Variants in AUTS2 observed in about 807,000 individuals in gnomAD.
AUTS2 encodes the protein autism susceptibility gene 2 protein.
A neutral mutation model predicts 112.4 loss-of-function variants in AUTS2; 17 were observed. The observed-to-expected ratio is 0.15, with a 90% CI of 0.10 to 0.23. The LOEUF is 0.23. AUTS2 is among the 10% of genes least tolerant of loss of function. The pLI is 1.00. For missense variants in AUTS2, 1,510 were observed against 1,701.6 expected (o/e 0.89, Z 1.98); for synonymous variants, 751 against 702.7 (o/e 1.07, Z -1.09).
intron 2 of AUTS2, among the ~76,000 whole-genome samples, chr7:70,099,029 G>A (rs1804348192): frequency 1.3e-5 from 2 of 151,892 alleles, no homozygotes; most frequent in Non-Finnish European, 2.9e-5. Flanking sequence ...ATCCCCAGAA[G>A]TGTTTCTGTT....
chr7:70,582,473 A>G (rs758017564), intron 5 of AUTS2, among the ~76,000 whole-genome samples: 2 of 152,156 alleles, frequency 1.3e-5, no homozygotes, highest in Non-Finnish European at 2.9e-5. Context: ...CTCTTGCTTT[A>G]AGTTACCCCT....
intron 4 of AUTS2, among the ~76,000 whole-genome samples, chr7:70,434,359 G>A (rs1304135806): frequency 6.6e-6 from 1 of 152,176 alleles, no homozygotes; most frequent in Non-Finnish European, 1.5e-5. Context: ...AGTTGTGAAT[G>A]GCTGTGGGGA....
chr7:70,729,474 A>C (rs1411399821), intron 6 of AUTS2, among the ~76,000 whole-genome samples: 1 of 152,208 alleles, frequency 6.6e-6, no homozygotes, highest in Non-Finnish European at 1.5e-5. Context: ...TCCATGTTCC[A>C]TTAGAGAACT....
At chr7:69,932,071 TTG>T (rs1437683610) in intron 2 of AUTS2, among the ~76,000 whole-genome samples, 2 of 152,198 alleles carry the variant, frequency 1.3e-5, no homozygotes, top group East Asian at 3.9e-4. Flanking sequence ...GTTTGTGTGC[TTG>T]TGTGTGTATA....
intron 4 of AUTS2, among the ~76,000 whole-genome samples, chr7:70,225,010 G>C (rs1365301682): frequency 6.6e-6 from 1 of 152,152 alleles, no homozygotes; most frequent in African/African-American, 2.4e-5. Flanking sequence ...ACATTTCTCA[G>C]AACATATTCC....
intron 1 of AUTS2, among the ~76,000 whole-genome samples, chr7:69,840,724 T>C (rs1425552155): frequency 6.6e-6 from 1 of 152,186 alleles, no homozygotes; most frequent in Non-Finnish European, 1.5e-5. Flanking sequence ...TGGAGGTGAC[T>C]ATGATGTCAA....
intron 1 of AUTS2, among the ~76,000 whole-genome samples, chr7:69,704,038 C>G (rs2129191852): frequency 6.6e-6 from 1 of 152,278 alleles, no homozygotes; most frequent in South Asian, 2.1e-4. Flanking sequence ...ATCCTCTCCT[C>G]TCTGTCATCC....
At chr7:69,852,215 G>C (rs1792515945) in intron 1 of AUTS2, among the ~76,000 whole-genome samples, 1 of 152,072 alleles carries the variant, frequency 6.6e-6, no homozygotes, top group African/African-American at 2.4e-5. Context: ...GGATTATGTT[G>C]ATTGGTTTTT....
chr7:70,110,627 C>T (rs1805023832), intron 2 of AUTS2, among the ~76,000 whole-genome samples: 1 of 152,138 alleles, frequency 6.6e-6, no homozygotes. Context: ...CAGCTGGAAG[C>T]ACTTCAGTCG....
At chr7:69,837,077 A>G (rs1224505361) in intron 1 of AUTS2, among the ~76,000 whole-genome samples, 1 of 152,154 alleles carries the variant, frequency 6.6e-6, no homozygotes, top group Non-Finnish European at 1.5e-5. Flanking sequence ...AATAGCGACA[A>G]ATCAGGGTTA....
At chr7:70,064,479 A>G (rs1802398354) in intron 2 of AUTS2, among the ~76,000 whole-genome samples, 1 of 152,190 alleles carries the variant, frequency 6.6e-6, no homozygotes, top group African/African-American at 2.4e-5. Flanking sequence ...AAAGTGGTTT[A>G]TGTTTACTAC....
chr7:70,737,503 G>A (rs1401287571), intron 6 of AUTS2, among the ~76,000 whole-genome samples: 1 of 152,188 alleles, frequency 6.6e-6, no homozygotes, highest in Non-Finnish European at 1.5e-5. Flanking sequence ...ATTTTATCCA[G>A]TTCTTATTTA....
chr7:70,105,178 T>G (rs1165161005), intron 2 of AUTS2, among the ~76,000 whole-genome samples: 1 of 152,232 alleles, frequency 6.6e-6, no homozygotes, highest in African/African-American at 2.4e-5. Context: ...TTAGTTTATT[T>G]GTCTGTAAAT....
intron 1 of AUTS2, among the ~76,000 whole-genome samples, chr7:69,858,269 G>A (rs1279921726): frequency 1.3e-5 from 2 of 152,300 alleles, no homozygotes; most frequent in Middle Eastern, 3.4e-3. Context: ...GTTGGTTTCA[G>A]GAGAATCACC....
intron 5 of AUTS2, among the ~76,000 whole-genome samples, chr7:70,472,235 C>T (rs1797412926): frequency 6.6e-6 from 1 of 152,206 alleles, no homozygotes; most frequent in Admixed American, 6.5e-5. Context: ...TTCCTGAGAA[C>T]AGACTGATGG....
chr7:69,790,789 G>A (rs756402439), intron 1 of AUTS2, among the ~76,000 whole-genome samples: 1 of 152,208 alleles, frequency 6.6e-6, no homozygotes, highest in East Asian at 1.9e-4. Context: ...GGCCATTAAT[G>A]GAGATGCTTG....
intron 2 of AUTS2, among the ~76,000 whole-genome samples, chr7:70,054,198 G>A (rs1379135427): frequency 2.6e-5 from 4 of 152,098 alleles, no homozygotes; most frequent in African/African-American, 4.8e-5. Flanking sequence ...ATAGCCATGT[G>A]TAGCCAGTGG....
At chr7:70,226,016 CA>C (rs1257962649) in intron 4 of AUTS2, among the ~76,000 whole-genome samples, 1 of 152,102 alleles carries the variant, frequency 6.6e-6, no homozygotes, top group Non-Finnish European at 1.5e-5. Context: ...TTAATTAACC[CA>C]AGTAGGACTA....
chr7:70,459,112 A>G (rs943021095), intron 5 of AUTS2, among the ~76,000 whole-genome samples: 9 of 152,186 alleles, frequency 5.9e-5, no homozygotes, highest in African/African-American at 1.9e-4. Context: ...AAAAGTGAGG[A>G]AGAACAGATG....
Sources: gnomAD v4.1 joint callset for allele counts (sites outside exome capture counted in the v4.1 genomes callset) on GRCh38, gnomAD v4.1.1 for gene constraint, MANE v1.5 for transcripts, NCBI Gene and HGNC (gene_info 2026-07-23, HGNC 2026-07-21) for gene names.